The following STK3 variants were observed in gnomAD, a reference collection of about 807,000 sequenced individuals.
STK3 encodes serine/threonine kinase 3, also known as serine/threonine-protein kinase 3.
In STK3, 41 loss-of-function variants were observed where a neutral mutation model predicts 58.0. The ratio of observed to expected loss-of-function variants is 0.71; its 90% CI spans 0.55 to 0.92. The LOEUF (loss-of-function observed/expected upper bound fraction) is 0.92, where lower values mean the gene tolerates loss of function less well. Among genes scored for constraint, STK3 ranks in the 40% least tolerant of loss-of-function variants. The probability of loss-of-function intolerance (pLI) is 0.00; values close to 1 mark genes in which losing one functional copy is unlikely to be tolerated. For synonymous variants in STK3, 170 were observed against 191.0 expected, an observed-to-expected ratio of 0.89 and a Z score of 0.91; for missense variants, 479 against 602.7, an observed-to-expected ratio of 0.79 and a Z score of 2.15.
At chr8:98,371,969 T>C (rs1223573613) in intron 2 of STK3, among the ~76,000 whole-genome samples, 2 of 152,190 alleles carry the variant, frequency 1.3e-5, no homozygotes, top group Non-Finnish European at 1.5e-5. Context: ...AAAGTCATAC[T>C]GAGTGGGATC....
At chr8:98,569,034 G>A (rs1812737705) in intron 8 of STK3, among the ~76,000 whole-genome samples, 1 of 152,120 alleles carries the variant, frequency 6.6e-6, no homozygotes, top group Admixed American at 6.6e-5. Context: ...ACAATGCAAA[G>A]ATCCAAAAAC....
At chr8:98,917,869 G>A (rs1839402414) in intron 1 of STK3, among the ~76,000 whole-genome samples, 1 of 152,070 alleles carries the variant, frequency 6.6e-6, no homozygotes, top group Non-Finnish European at 1.5e-5. Flanking sequence ...CCAAGACTTC[G>A]AAGCCATCTC....
At position 98,800,675 on chromosome 8, in the gene STK3, A is replaced by G. The variant is rs778225687; in HGVS notation, c.26+24840T>C. Among the ~76,000 whole-genome samples the G allele has an allele frequency of 1.3e-5, 2 of 152,192 alleles. No homozygotes were observed. The highest frequency in any genetic ancestry group is 3.9e-4 in the East Asian group (2 of 5,166). ...TGGGTGTGGGCTTGATGGGCCCCGC[A>G]CTCAGAGTGGCCAGCTGATGCCGCC... On this transcript the variant is annotated intron_variant, in intron 1 of 10. Coordinates refer to ENST00000419617, the MANE Select transcript of STK3 (RefSeq NM_006281.4). This position sits in a 1 kb window ranked among gnomAD's most constrained non-coding sequence, Gnocchi z 4.8.
intron 9 of STK3, among the ~76,000 whole-genome samples, chr8:98,545,237 T>G (rs377699477): frequency 6.6e-6 from 1 of 152,168 alleles, no homozygotes; most frequent in Non-Finnish European, 1.5e-5. Flanking sequence ...GGATAAAACA[T>G]AATCCATAAG....
chr8:98,529,995 T>C (rs1014841966), intron 9 of STK3, among the ~76,000 whole-genome samples: 11 of 152,196 alleles, frequency 7.2e-5, no homozygotes, highest in Non-Finnish European at 1.3e-4. Flanking sequence ...AGATTAATAC[T>C]ATTGAACTAG....
At chr8:98,721,067 C>T in intron 4 of STK3, 1 of 983,226 alleles carries the variant, frequency 1.0e-6, no homozygotes, top group Non-Finnish European at 1.2e-6. Flanking sequence ...GAAGTAAGCA[C>T]ACTCACCTGG....
chr8:98,790,375 A>G (rs561328153), intron 1 of STK3, among the ~76,000 whole-genome samples: 2 of 152,268 alleles, frequency 1.3e-5, no homozygotes, highest in South Asian at 4.1e-4. Context: ...TTTAACATAC[A>G]CAATGTGATG....
chr8:98,766,437 C>T (rs983732188), intron 3 of STK3, among the ~76,000 whole-genome samples: 1 of 152,056 alleles, frequency 6.6e-6, no homozygotes, highest in African/African-American at 2.4e-5. Context: ...CATTCTCATC[C>T]ATAAATTTGT....
At chr8:98,667,290 A>G (rs1822436236) in intron 6 of STK3, among the ~76,000 whole-genome samples, 2 of 152,142 alleles carry the variant, frequency 1.3e-5, no homozygotes, top group South Asian at 2.1e-4. Flanking sequence ...AAAAAACAGA[A>G]TGATTTCATT....
chr8:98,805,941 C>T (rs1458410553), intron 1 of STK3, among the ~76,000 whole-genome samples: 1 of 152,116 alleles, frequency 6.6e-6, no homozygotes, highest in Non-Finnish European at 1.5e-5. Context: ...ACCACTGTCC[C>T]CACCCATCCA....
chr8:98,826,764 C>T (rs945058531), upstream of STK3, among the ~76,000 whole-genome samples: 2 of 136,886 alleles, frequency 1.5e-5, no homozygotes, highest in African/African-American at 5.6e-5. Flanking sequence ...GTGGCTCACG[C>T]CTGTAATCCC....
At chr8:98,747,580 G>A (rs1335786731) in intron 4 of STK3, among the ~76,000 whole-genome samples, 1 of 152,128 alleles carries the variant, frequency 6.6e-6, no homozygotes, top group Non-Finnish European at 1.5e-5. Flanking sequence ...AGGATGTTAC[G>A]TATCTTTATA....
chr8:98,611,133 T>C (rs558564490), intron 6 of STK3, among the ~76,000 whole-genome samples: 1 of 151,990 alleles, frequency 6.6e-6, no homozygotes, highest in Non-Finnish European at 1.5e-5. Context: ...TGAATCACAA[T>C]AAAACAATAC....
intron 1 of STK3, among the ~76,000 whole-genome samples, chr8:98,912,866 G>GT (rs1287254835): frequency 2.6e-5 from 4 of 151,924 alleles, no homozygotes; most frequent in Non-Finnish European, 5.9e-5. Flanking sequence ...GAGTGGTTGT[G>GT]TTTTTTTTGT....
intron 10 of STK3, among the ~76,000 whole-genome samples, chr8:98,519,054 C>G (rs1457887106): frequency 6.6e-6 from 1 of 152,094 alleles, no homozygotes; most frequent in African/African-American, 2.4e-5. Context: ...TCTGGAAATA[C>G]TTGACAATAA....
At chr8:98,624,689 C>T (rs1818579477) in intron 6 of STK3, among the ~76,000 whole-genome samples, 2 of 151,940 alleles carry the variant, frequency 1.3e-5, no homozygotes, top group Admixed American at 1.3e-4. Flanking sequence ...CCCATCTCTA[C>T]TAAAAATACA....
downstream of STK3, chr8:98,454,579 T>A (rs1216189977): frequency 1.3e-5 from 2 of 152,374 alleles, no homozygotes; most frequent in African/African-American, 4.8e-5. Context: ...GTCCCTTGCT[T>A]GGAAAATGCA....
intron 1 of STK3, among the ~76,000 whole-genome samples, chr8:98,812,892 G>C (rs968021097): frequency 6.6e-6 from 1 of 152,120 alleles, no homozygotes; most frequent in African/African-American, 2.4e-5. Context: ...GTTGTAGGGT[G>C]GGGGGAGTGA....
chr8:98,447,651 C>A (rs1157938526), intron 1 of STK3, among the ~76,000 whole-genome samples: 1 of 121,474 alleles, frequency 8.2e-6, no homozygotes. Flanking sequence ...TATATAGTAT[C>A]TGTATATTGC....
Sources: gnomAD v4.1 joint callset for allele counts (sites outside exome capture counted in the v4.1 genomes callset) on GRCh38, gnomAD v4.1.1 for gene constraint, Gnocchi (gnomAD v3.1) non-coding constraint, MANE v1.5 for transcripts, NCBI Gene and HGNC (gene_info 2026-07-23, HGNC 2026-07-21) for gene names.